Variants in IQCM observed in about 807,000 individuals in gnomAD.
IQCM encodes the protein IQ domain-containing protein M.
IQCM carries 45 observed loss-of-function variants against 57.6 expected under a neutral mutation model. The ratio of observed to expected loss-of-function variants is 0.78; its 90% CI spans 0.62 to 1.00. IQCM has a LOEUF of 1.00. Ranked by LOEUF, IQCM falls within the 50% of genes least tolerant of loss-of-function variation. IQCM has a pLI of 0.00. For synonymous variants in IQCM, 148 were observed against 158.9 expected (o/e 0.93, Z 0.51); for missense variants, 468 against 511.6 (o/e 0.91, Z 0.82).
chr4:149,485,407 T>C lies in IQCM; in HGVS notation c.1229-51850A>G, dbSNP rs371099232. On this transcript the variant is annotated intron_variant, in intron 12 of 13. Coordinates refer to ENST00000636793, the MANE Select transcript of IQCM (RefSeq NM_001363507.2). ...TATGCTTTATTGTTTTTTATTCTTT[T>C]ATCTTTTGTCTCCTCTGACTGTGTA... Among the ~76,000 whole-genome samples the C allele has an allele frequency of 1.2e-4, 19 of 152,016 alleles. No individual in the cohort carries two copies. The East Asian group carries it at 1.8e-3, about 14-fold the overall frequency.
chr4:149,647,604 CCTTTTT>C, intron 7 of IQCM, among the ~76,000 whole-genome samples: 1 of 152,088 alleles, frequency 6.6e-6, no homozygotes, highest in Non-Finnish European at 1.5e-5. Context: ...TTTTTCTTAT[CCTTTTT>C]CTTTTACTTC....
intron 13 of IQCM, among the ~76,000 whole-genome samples, chr4:149,424,824 T>C (rs1274650205): frequency 4.6e-5 from 7 of 152,000 alleles, no homozygotes; most frequent in African/African-American, 1.7e-4. Flanking sequence ...ATTATCATCC[T>C]TATAAATAAA....
chr4:149,462,744 G>A (rs1738439640), intron 12 of IQCM, among the ~76,000 whole-genome samples: 1 of 152,164 alleles, frequency 6.6e-6, no homozygotes, highest in Non-Finnish European at 1.5e-5. Flanking sequence ...GCTACAAATT[G>A]CATTCAATTC....
At chr4:149,521,774 C>A (rs1745669990) in intron 12 of IQCM, among the ~76,000 whole-genome samples, 1 of 152,168 alleles carries the variant, frequency 6.6e-6, no homozygotes, top group South Asian at 2.1e-4. Context: ...TTATATTGGC[C>A]TTTGGACTCA....
chr4:149,497,895 C>T (rs1026427542), intron 12 of IQCM, among the ~76,000 whole-genome samples: 5 of 152,010 alleles, frequency 3.3e-5, no homozygotes, highest in African/African-American at 4.8e-5. Context: ...GTTATTCCCA[C>T]GTGATGTTGA....
At chr4:149,566,647 A>T (rs1188984580) in intron 9 of IQCM, among the ~76,000 whole-genome samples, 2 of 152,210 alleles carry the variant, frequency 1.3e-5, no homozygotes, top group African/African-American at 4.8e-5. Context: ...TACGTAAAAA[A>T]TAAGAAGAAA....
intron 8 of IQCM, among the ~76,000 whole-genome samples, chr4:149,619,107 GATATATATAT>G (rs70965194): frequency 4.7e-5 from 6 of 126,762 alleles, no homozygotes; most frequent in African/African-American, 1.9e-4. Flanking sequence ...ATGTGGGATG[GATATATATAT>G]ATATATATAT....
At chr4:149,428,425 G>C (rs949880537) in intron 13 of IQCM, among the ~76,000 whole-genome samples, 3 of 151,784 alleles carry the variant, frequency 2.0e-5, no homozygotes, top group Non-Finnish European at 4.4e-5. Context: ...AAAATGTTCA[G>C]AGAGAAGTGC....
chr4:149,677,606 C>T (rs1201270758), intron 7 of IQCM, among the ~76,000 whole-genome samples: 1 of 151,996 alleles, frequency 6.6e-6, no homozygotes, highest in East Asian at 1.9e-4. Flanking sequence ...ATTAATCTTA[C>T]AATGCAAAGA....
chr4:149,748,964 G>A (rs554089271), intron 2 of IQCM, among the ~76,000 whole-genome samples: 1 of 152,256 alleles, frequency 6.6e-6, no homozygotes, highest in African/African-American at 2.4e-5. Context: ...TGGGAAAGAA[G>A]CATGTGAAAA....
At chr4:149,534,830 C>G (rs1305898456) in intron 12 of IQCM, among the ~76,000 whole-genome samples, 3 of 152,062 alleles carry the variant, frequency 2.0e-5, no homozygotes, top group African/African-American at 7.2e-5. Context: ...ATGGACCAAT[C>G]ATGGCTCTAG....
intron 12 of IQCM, among the ~76,000 whole-genome samples, chr4:149,531,599 T>A (rs1225991800): frequency 6.6e-6 from 1 of 152,092 alleles, no homozygotes; most frequent in African/African-American, 2.4e-5. Flanking sequence ...AATGACCAGG[T>A]GCTTATAGTC....
intron 13 of IQCM, among the ~76,000 whole-genome samples, chr4:149,389,991 T>C (rs1471813792): frequency 6.6e-6 from 1 of 152,060 alleles, no homozygotes; most frequent in African/African-American, 2.4e-5. Context: ...AATCAGCTTA[T>C]GAATTTCTAG....
chr4:149,404,214 A>C (rs1024704155), intron 13 of IQCM, among the ~76,000 whole-genome samples: 6 of 152,070 alleles, frequency 3.9e-5, no homozygotes, highest in Admixed American at 1.3e-4. Context: ...TTATGGAGAC[A>C]GAACTGAGTA....
At chr4:149,513,431 G>T (rs1302220014) in intron 12 of IQCM, among the ~76,000 whole-genome samples, 3 of 151,260 alleles carry the variant, frequency 2.0e-5, no homozygotes, top group African/African-American at 7.4e-5. Flanking sequence ...TGAAAAAAAA[G>T]AAAAGAAGGA....
At chr4:149,358,631 A>G (rs557225972) in intron 13 of IQCM, among the ~76,000 whole-genome samples, 1 of 152,250 alleles carries the variant, frequency 6.6e-6, no homozygotes, top group African/African-American at 2.4e-5. Flanking sequence ...GATAAAAACA[A>G]GTCAAATCCT....
chr4:149,455,551 G>T (rs1737606845), intron 12 of IQCM, among the ~76,000 whole-genome samples: 1 of 152,092 alleles, frequency 6.6e-6, no homozygotes, highest in Non-Finnish European at 1.5e-5. Context: ...GTATAGCAGA[G>T]TGCTATTCCT....
chr4:149,631,561 GA>G (rs958618117), intron 7 of IQCM, among the ~76,000 whole-genome samples: 1 of 151,712 alleles, frequency 6.6e-6, no homozygotes, highest in Non-Finnish European at 1.5e-5. Context: ...TGTATTGTAA[GA>G]AAAAAAATCT....
At chr4:149,711,544 C>T (rs977056437) in intron 5 of IQCM, among the ~76,000 whole-genome samples, 2 of 152,158 alleles carry the variant, frequency 1.3e-5, no homozygotes, top group Non-Finnish European at 2.9e-5. Context: ...ATACTCAATA[C>T]AGGCCAACTT....
Sources: allele counts gnomAD v4.1 joint callset (sites outside exome capture counted in the v4.1 genomes callset), GRCh38; gene constraint gnomAD v4.1.1; transcripts MANE v1.5; gene names NCBI Gene and HGNC (gene_info 2026-07-23, HGNC 2026-07-21).